The following SLC25A29 variants were observed in gnomAD, a reference collection of about 807,000 sequenced individuals.
The protein encoded by SLC25A29 is solute carrier family 25 member 29, also known as mitochondrial basic amino acids transporter.
In SLC25A29, 13 loss-of-function variants were observed where a neutral mutation model predicts 10.0. That is an observed-to-expected ratio of 1.30 (90% confidence interval 0.85 to 2.07). SLC25A29 has a LOEUF of 2.07. Ranked by LOEUF, SLC25A29 falls within the 30% of genes most tolerant of loss-of-function variation. The pLI, the probability that SLC25A29 is intolerant of heterozygous loss-of-function variation, is 0.00. For missense variants in SLC25A29, 475 were observed against 447.6 expected (o/e 1.06, Z -0.55); for synonymous variants, 244 against 221.1 (o/e 1.10, Z -0.92).
chr14:100,280,134 A>C, the SLC25A29 span: 3 of 152,238 alleles, frequency 2.0e-5, no homozygotes, highest in Non-Finnish European at 4.4e-5. Flanking sequence ...AAACTAACAA[A>C]TGAGCAACAA....
the SLC25A29 span, chr14:100,281,061 CAAAAAAAAAAA>C: frequency 2.0e-5 from 2 of 100,882 alleles, no homozygotes; most frequent in African/African-American, 9.7e-5. Flanking sequence ...CTCCGTCTCC[CAAAAAAAAAAA>C]AAAAAAAAAA....
At chr14:100,302,366 T>C (rs550840207) in intron 1 of SLC25A29, among the ~76,000 whole-genome samples, 360 of 150,194 alleles carry the variant, frequency 2.4e-3, no homozygotes, top group African/African-American at 7.9e-3. Flanking sequence ...TTCTTTCTTT[T>C]TTTTTTTTTT....
At chr14:100,279,893 G>C in the SLC25A29 span, 2 of 152,348 alleles carry the variant, frequency 1.3e-5, no homozygotes, top group Non-Finnish European at 2.9e-5. Context: ...TGGCCTGCAG[G>C]AGCCAGGCTC....
At chr14:100,302,662 TA>T (rs1892643539) in intron 1 of SLC25A29, among the ~76,000 whole-genome samples, 3 of 152,198 alleles carry the variant, frequency 2.0e-5, no homozygotes, top group African/African-American at 4.8e-5. Flanking sequence ...GCTCAAAATC[TA>T]TTTCTTAATC....
At chr14:100,283,345 G>A in the SLC25A29 span, among the ~76,000 whole-genome samples, 2 of 152,188 alleles carry the variant, frequency 1.3e-5, no homozygotes, top group Admixed American at 6.5e-5. Flanking sequence ...GCTGCTGACA[G>A]AATGCTACTG....
At position 100,292,668 on chromosome 14, in the gene SLC25A29, G is replaced by C; in HGVS notation, c.527C>G (p.Thr176Arg). The C allele has an allele frequency of 6.2e-7, 1 of 1,600,798 alleles. No individual in the cohort carries two copies. The highest frequency in any genetic ancestry group is 8.5e-7 in the Non-Finnish European group (1 of 1,175,346). Residue 176 changes from threonine (T) to arginine (R), a missense_variant, in exon 4 of 4, where the codon ACG (threonine) becomes AGG (arginine). Coordinates refer to ENST00000359232, the MANE Select transcript of SLC25A29 (RefSeq NM_001039355.3). ...GVYFLTYDALTRALGCEPGDR... is the reference protein window; with the variant it reads ...GVYFLTYDALRRALGCEPGDR... ...GCCCGGCTCGCAGCCCAGCGCCCGC[G>C]TGAGAGCGTCATAGGTGAGGAAGTA...
chr14:100,284,524 G>T, the SLC25A29 span, among the ~76,000 whole-genome samples: 1 of 152,182 alleles, frequency 6.6e-6, no homozygotes, highest in African/African-American at 2.4e-5. Context: ...TCAGAGCCCA[G>T]TCCTGGCTTT....
At position 100,293,562 on chromosome 14, in the gene SLC25A29, G is replaced by C. The variant is rs147897098; in HGVS notation, c.79-185C>G. On this transcript the variant is annotated intron_variant, in intron 2 of 3. Coordinates refer to ENST00000359232, the MANE Select transcript of SLC25A29 (RefSeq NM_001039355.3). ...TATGCCTTCTCAGGATGGGGTGCCA[G>C]TAGGCAAACAGCTAAAGGGACAGGC... is the stretch of plus-strand genomic sequence containing the variant. 1.0e-3 allele frequency: 611 copies of C among 599,298 alleles called. 1 individual carries two copies. The highest frequency in any genetic ancestry group is 6.4e-3 in the African/African-American group (347 of 54,090). The allele number at this position is 599,298 out of a possible 1,614,324, so 37.1% of individuals were successfully genotyped here.
At chr14:100,287,048 C>T (rs1396571897), downstream of SLC25A29, among the ~76,000 whole-genome samples, 1 of 152,238 alleles carries the variant, frequency 6.6e-6, no homozygotes, top group Non-Finnish European at 1.5e-5. Context: ...GCCATCCCTA[C>T]AGTCACAAGA....
At chr14:100,281,120 C>T in the SLC25A29 span, 10 of 150,508 alleles carry the variant, frequency 6.6e-5, no homozygotes, top group Non-Finnish European at 1.3e-4. Context: ...CCTCCCCCCA[C>T]CCCCGACTAT....
At chr14:100,305,951 G>A in intron 1 of SLC25A29, 1 of 396,768 alleles carries the variant, frequency 2.5e-6, no homozygotes. Flanking sequence ...CCACGGTGCT[G>A]CCCCGGCGCC....
chr14:100,284,694 C>T, the SLC25A29 span, among the ~76,000 whole-genome samples: 1 of 152,174 alleles, frequency 6.6e-6, no homozygotes, highest in Non-Finnish European at 1.5e-5. Flanking sequence ...AATGGCATTG[C>T]CCTACTGGCA....
chr14:100,291,996 CGGTGCAATGGCCTCAGCCAGGCCA>C lies in SLC25A29; in HGVS notation c.*263_*286del. ...GTGTCTGCCTCAGTTTCCAGGATAA[CGGTGCAATGGCCTCAGCCAGGCCA>C]GGTGCTGGCTGCTGCTGGGAATAAT... On this transcript the variant is annotated 3_prime_UTR_variant, in exon 4 of 4. Coordinates refer to ENST00000359232, the MANE Select transcript of SLC25A29 (RefSeq NM_001039355.3). The C allele has an allele frequency of 4.4e-6, 2 of 452,638 alleles. No homozygotes were observed. Among genetic ancestry groups the C allele is most frequent in the Non-Finnish European group, 7.9e-6 (2 of 251,836 alleles). The allele number at this position is 452,638 out of a possible 1,614,324, so 28.0% of individuals were successfully genotyped here. A position where few individuals can be genotyped will look rare whatever the true frequency, so the allele number is the denominator to read the frequency against.
At chr14:100,298,661 T>C (rs1185742667) in intron 2 of SLC25A29, 181 bp downstream of exon 2, 2 of 761,824 alleles carry the variant, frequency 2.6e-6, no homozygotes, top group Admixed American at 2.2e-5. Flanking sequence ...GAACCCAGCA[T>C]GTGGATCAGC....
chr14:100,286,895 G>GGC (rs35659275), downstream of SLC25A29, among the ~76,000 whole-genome samples: 46,542 of 152,126 alleles, frequency 0.31, 7,285 homozygotes, highest in South Asian at 0.51. Flanking sequence ...ACTGGCTCCT[G>GGC]GCGCTGGCTT....
At chr14:100,293,807 C>T (rs959188509) in intron 2 of SLC25A29, 20 of 162,994 alleles carry the variant, frequency 1.2e-4, no homozygotes, top group Non-Finnish European at 1.3e-4. Flanking sequence ...AGACTGGCTT[C>T]GAGGCAATAG....
At chr14:100,284,160 A>G in the SLC25A29 span, among the ~76,000 whole-genome samples, 1 of 152,186 alleles carries the variant, frequency 6.6e-6, no homozygotes, top group Non-Finnish European at 1.5e-5. Context: ...ATTTATTTGC[A>G]AAGTCCAGGC....
chr14:100,293,608 G>T, intron 2 of SLC25A29: 2 of 563,434 alleles, frequency 3.5e-6, no homozygotes, highest in South Asian at 4.1e-5. Flanking sequence ...AGGGTAGGGG[G>T]TCCCCAAGAT....
intron 2 of SLC25A29, chr14:100,294,573 T>A (rs1892008296): frequency 6.6e-6 from 1 of 152,198 alleles, no homozygotes; most frequent in African/African-American, 2.4e-5. Flanking sequence ...TGCCCCCATT[T>A]CCAAGATGGG....
Sources: gnomAD v4.1 joint callset for allele counts (sites outside exome capture counted in the v4.1 genomes callset) on GRCh38, gnomAD v4.1.1 for gene constraint, MANE v1.5 for transcripts, NCBI Gene and HGNC (gene_info 2026-07-23, HGNC 2026-07-21) for gene names.